Variants in TOR2A observed in about 807,000 individuals in gnomAD.
TOR2A encodes the protein prosalusin.
A neutral mutation model predicts 28.6 loss-of-function variants in TOR2A; 24 were observed. That is an observed-to-expected ratio of 0.84 (90% CI 0.61 to 1.18). The LOEUF is 1.18. Ranked by LOEUF, TOR2A falls within the 50% of genes most tolerant of loss-of-function variation. The probability of loss-of-function intolerance (pLI) is 0.00; values close to 1 mark genes in which losing one functional copy is unlikely to be tolerated. For synonymous variants in TOR2A, 203 were observed against 203.1 expected (o/e 1.00, Z 0.00); for missense variants, 426 against 448.1 (o/e 0.95, Z 0.45).
chr9:127,734,810 G>T, intron 1 of TOR2A: 1 of 527,798 alleles, frequency 1.9e-6, no homozygotes, highest in Non-Finnish European at 3.1e-6. Flanking sequence ...GCTGTCAACG[G>T]GGTCAGCCGC....
At chr9:127,733,669 A>G (rs1844566056) in intron 2 of TOR2A, 109 bp from the exon 3 acceptor site, 3 of 1,001,854 alleles carry the variant, frequency 3.0e-6, no homozygotes, top group African/African-American at 1.6e-5. Flanking sequence ...GTGGTCTTCC[A>G]GAGAGCACCA....
chr9:127,733,136 T>C (rs1241180979), intron 3 of TOR2A: 3 of 1,530,090 alleles, frequency 2.0e-6, no homozygotes, highest in African/African-American at 1.4e-5. Flanking sequence ...GGAAAACTTC[T>C]TGACCTGGCA....
In TOR2A at chr9:127,733,557, C is replaced by T. The variant is rs776744602; in HGVS notation, c.421G>A (p.Asp141Asn). The T allele has an allele frequency of 4.4e-6, 7 of 1,608,788 alleles. No homozygotes were observed. Among genetic ancestry groups the T allele is most frequent in the Non-Finnish European group, 5.9e-6 (7 of 1,177,770 alleles). ...TTCCCTTGGACCCAGCTCTTCAGAT[C>T]CTTCTGTAGGGGAGAGACAGGAGTT... ...HPSHIERYKK[D>N]LKSWVQGNLT... The change falls in exon 3 of 5, where the codon GAT (aspartate) becomes AAT (asparagine). Residue 141 changes from aspartate to asparagine, a missense_variant. Asp to Asn is a conservative substitution (Grantham distance 23). Coordinates refer to ENST00000373284, the MANE Select transcript of TOR2A (RefSeq NM_001085347.3).
At position 127,734,306 on chromosome 9, in the gene TOR2A, C is replaced by T. The variant is rs866712385; in HGVS notation, c.410G>A (p.Arg137His). 1 of 1,592,412 alleles carries T rather than the reference C, an allele frequency of 6.3e-7. No homozygotes were observed. The highest frequency in any genetic ancestry group is 1.3e-5 in the African/African-American group (1 of 74,616). ...AGGACGCATCCAGCCTACCTTGTAG[C>T]GCTCGATGTGGCTGGGGTGGGGGAA... ...LHFPHPSHIERYKKDLKSWVQ... is the reference protein window; with the variant it reads ...LHFPHPSHIEHYKKDLKSWVQ... Residue 137 changes from arginine (R) to histidine (H), a missense_variant, in exon 2 of 5, where the codon CGC becomes CAC. By Grantham distance (29) the Arg-to-His change is conservative (BLOSUM62 0). Coordinates refer to ENST00000373284, the MANE Select transcript of TOR2A (RefSeq NM_001085347.3).
rs151195997 is a variant in TOR2A, at chr9:127,733,306, G to C, written c.593+79C>G. 114 of 1,613,368 alleles carry C rather than the reference G, an allele frequency of 7.1e-5. No individual in the cohort carries two copies. In the Admixed American group the frequency reaches 8.3e-4, roughly 12 times the overall value. On this transcript the variant is annotated intron_variant, in intron 3 of 4. Transcript: ENST00000373284. ...GCCCATGGGGAACTGGATTCTGCTG[G>C]GAGCACAGGCTAAGGCTGTAGAGCT...
chr9:127,732,621 T>C lies in TOR2A; in HGVS notation c.664A>G (p.Ile222Val), dbSNP rs755853444. ...ACCGGCTCCAGCTCCTGCAGGAGGATCTCCTCGCGGTCCCGCCGGCTGCGC... is the reference window on the plus strand; with the variant it reads ...ACCGGCTCCAGCTCCTGCAGGAGGACCTCCTCGCGGTCCCGCCGGCTGCGC... ...AWRSRRDREEILLQELEPVIS... is the reference protein window; with the variant it reads ...AWRSRRDREEVLLQELEPVIS... The change falls in exon 4 of 5, where the codon ATC becomes GTC. Residue 222 changes from isoleucine (I) to valine (V), a missense_variant. Coordinates refer to ENST00000373284, the MANE Select transcript of TOR2A (RefSeq NM_001085347.3). 2 of 1,579,486 alleles carry C rather than the reference T, an allele frequency of 1.3e-6. No homozygotes were observed. Among genetic ancestry groups the C allele is most frequent in the South Asian group, 2.3e-5 (2 of 86,380 alleles).
chr9:127,731,824 G>T lies in TOR2A; in HGVS notation c.*210C>A. On this transcript the variant is annotated 3_prime_UTR_variant, in exon 5 of 5. Transcript: ENST00000373284. ...GGAGGTCAAGGCTCAGTGAGGTTCT[G>T]GGGTGACCAGGGGTTTCCCTGGGGA... 1 of 1,021,536 alleles carries T rather than the reference G, an allele frequency of 9.8e-7. No individual in the cohort carries two copies. Among genetic ancestry groups the T allele is most frequent in the Non-Finnish European group, 1.4e-6 (1 of 723,964 alleles). The allele number at this position is 1,021,536 out of a possible 1,614,324, so 63.3% of individuals were successfully genotyped here.
rs775786924 is a variant in TOR2A, at chr9:127,733,576, A to C, written c.418-16T>G. ...TCAGATCCTTCTGTAGGGGAGAGAC[A>C]GGAGTTCCAGGGGAGCTGGAGAAAC... On this transcript the variant is annotated splice_polypyrimidine_tract_variant and intron_variant, in intron 2 of 4. Coordinates refer to ENST00000373284, the MANE Select transcript of TOR2A (RefSeq NM_001085347.3). The C allele has an allele frequency of 8.2e-6, 13 of 1,590,638 alleles. No individual in the cohort carries two copies. In the African/African-American group the frequency reaches 1.8e-4, roughly 21 times the overall value.
At chr9:127,732,993 C>T (rs1844519640) in intron 3 of TOR2A, 1 of 1,382,844 alleles carries the variant, frequency 7.2e-7, no homozygotes, top group Non-Finnish European at 9.5e-7. Flanking sequence ...TGTTCAGAAG[C>T]AGAGACAGAG....
intron 1 of TOR2A, 55 bp downstream of exon 1, chr9:127,735,065 T>TCCCGCGTCTG (rs1231692344): frequency 1.0e-4 from 140 of 1,380,886 alleles, no homozygotes; most frequent in Non-Finnish European, 1.0e-4. Context: ...CTCCCAGCGC[T>TCCCGCGTCTG]CCCGCGTCTG....
chr9:127,735,216 C>T lies in TOR2A; in HGVS notation c.55G>A (p.Gly19Arg). The stretch of plus-strand genomic sequence containing the variant: ...GCGGCGGCCGCGGCCGAGACCAGCC[C>T]GAGCAGCCCGAGGAGCGAGCCCCAG... ...RPWGSLLGLL[G>R]LVSAAAAAWD... Residue 19 changes from glycine to arginine, a missense_variant, in exon 1 of 5, where the codon GGG becomes AGG. Coordinates refer to ENST00000373284, the MANE Select transcript of TOR2A (RefSeq NM_001085347.3). 6.8e-7 allele frequency: 1 copy of T among 1,476,014 alleles called. No individual in the cohort carries two copies. Among genetic ancestry groups the T allele is most frequent in the Non-Finnish European group, 8.9e-7 (1 of 1,121,798 alleles). The allele number at this position is 1,476,014 out of a possible 1,614,324, so 91.4% of individuals were successfully genotyped here.
chr9:127,733,738 A>T (rs1844568730), intron 2 of TOR2A, 178 bp from the exon 3 acceptor site: 2 of 636,702 alleles, frequency 3.1e-6, no homozygotes, highest in Admixed American at 3.0e-5. Context: ...GACTTGCCCA[A>T]AGTCACACAG....
chr9:127,735,266 G>A lies in TOR2A; in HGVS notation c.5C>T (p.Ala2Val), dbSNP rs540745235. 2.9e-6 allele frequency: 4 copies of A among 1,398,582 alleles called. No homozygotes were observed. Among genetic ancestry groups the A allele is most frequent in the Middle Eastern group, 2.6e-4 (1 of 3,894 alleles). 86.6% of individuals were successfully genotyped at this position (1,398,582 alleles called of 1,614,324 possible). A position where few individuals can be genotyped will look rare whatever the true frequency, so the allele number is the denominator to read the frequency against. MAAATRGCRPWG... is the reference protein window; with the variant it reads MVAATRGCRPWG... ...GGGCCGGCAGCCGCGCGTCGCAGCC[G>A]CCATCCGGGTGAGGCCCGAGCTCGT... The change falls in exon 1 of 5, where the codon GCG becomes GTG. Residue 2 changes from alanine (A) to valine (V), a missense_variant. By Grantham distance (64) the Ala-to-Val change is moderately conservative. Transcript: ENST00000373284.
Position 127,735,229 on chromosome 9 carries a change from G to A in TOR2A, c.42C>T (p.Leu14=), listed in dbSNP as rs1355462171. 1 of 1,459,934 alleles carries A rather than the reference G, an allele frequency of 6.8e-7. No individual in the cohort carries two copies. The highest frequency in any genetic ancestry group is 2.6e-5 in the Admixed American group (1 of 38,090). The allele number at this position is 1,459,934 out of a possible 1,614,324, so 90.4% of individuals were successfully genotyped here. ...CCGAGACCAGCCCGAGCAGCCCGAG[G>A]AGCGAGCCCCAGGGCCGGCAGCCGC... ...ATRGCRPWGS[L]LGLLGLVSAA... is the part of the protein sequence containing the mutation. Residue 14 remains leucine, a synonymous_variant, in exon 1 of 5, where the codon CTC becomes CTT. Coordinates refer to ENST00000373284, the MANE Select transcript of TOR2A (RefSeq NM_001085347.3).
Position 127,731,549 on chromosome 9 carries a change from T to C in TOR2A, c.*485A>G. 1.4e-6 allele frequency: 2 copies of C among 1,428,634 alleles called. No homozygotes were observed. The highest frequency in any genetic ancestry group is 1.8e-6 in the Non-Finnish European group (2 of 1,090,940). 88.5% of individuals were successfully genotyped at this position (1,428,634 alleles called of 1,614,324 possible). A position where few individuals can be genotyped will look rare whatever the true frequency, so the allele number is the denominator to read the frequency against. Reference sequence around the variant, plus strand: ...TCTGGTCCCACAGCTGAGTTTATTATACTTGTTTTCTTTTACAAAATTAAA... The same window carrying C: ...TCTGGTCCCACAGCTGAGTTTATTACACTTGTTTTCTTTTACAAAATTAAA... On this transcript the variant is annotated 3_prime_UTR_variant, in exon 5 of 5. Transcript: ENST00000373284.
At chr9:127,732,913 T>C (rs1053557388) in intron 3 of TOR2A, 2 of 1,415,928 alleles carry the variant, frequency 1.4e-6, no homozygotes, top group African/African-American at 1.4e-5. Flanking sequence ...CAAAACACTT[T>C]TGTGTCCCTC....
Position 127,735,238 on chromosome 9 carries a change from C to A in TOR2A, c.33G>T (p.Trp11Cys). 2 of 1,434,556 alleles carry A rather than the reference C, an allele frequency of 1.4e-6. No homozygotes were observed. Among genetic ancestry groups the A allele is most frequent in the Non-Finnish European group, 1.8e-6 (2 of 1,103,718 alleles). 88.9% of individuals were successfully genotyped at this position (1,434,556 alleles called of 1,614,324 possible). The change falls in exon 1 of 5, where the codon TGG (tryptophan) becomes TGT (cysteine). Residue 11 changes from tryptophan to cysteine, a missense_variant. By Grantham distance (215) the Trp-to-Cys change is radical. Coordinates refer to ENST00000373284, the MANE Select transcript of TOR2A (RefSeq NM_001085347.3). Reference sequence around the variant, plus strand: ...GCCCGAGCAGCCCGAGGAGCGAGCCCCAGGGCCGGCAGCCGCGCGTCGCAG... The same window carrying A: ...GCCCGAGCAGCCCGAGGAGCGAGCCACAGGGCCGGCAGCCGCGCGTCGCAG... MAAATRGCRP[W>C]GSLLGLLGLV...
At chr9:127,732,434 A>ACAAAGCTGGGAGTGC in intron 4 of TOR2A, 130 bp downstream of exon 4, 1 of 1,447,222 alleles carries the variant, frequency 6.9e-7, no homozygotes, top group Non-Finnish European at 9.1e-7. Flanking sequence ...ACCCAAAGTC[A>ACAAAGCTGGGAGTGC]CAAAGCTGGG....
chr9:127,731,551 C>T lies in TOR2A; in HGVS notation c.*483G>A, dbSNP rs752689635. ...TGGTCCCACAGCTGAGTTTATTATA[C>T]TTGTTTTCTTTTACAAAATTAAAAA... On this transcript the variant is annotated 3_prime_UTR_variant, in exon 5 of 5. Coordinates refer to ENST00000373284, the MANE Select transcript of TOR2A (RefSeq NM_001085347.3). 7.0e-6 allele frequency: 10 copies of T among 1,422,608 alleles called. No homozygotes were observed. The highest frequency in any genetic ancestry group is 1.6e-5 in the South Asian group (1 of 64,382). 88.1% of individuals were successfully genotyped at this position (1,422,608 alleles called of 1,614,324 possible).
Sources: gnomAD v4.1 joint callset for allele counts on GRCh38, gnomAD v4.1.1 for gene constraint, MANE v1.5 for transcripts, NCBI Gene and HGNC (gene_info 2026-07-23, HGNC 2026-07-21) for gene names.